Variants in CRADD observed in about 807,000 individuals in gnomAD.
CRADD encodes the protein CARD and death domain containing adaptor protein.
Under a neutral mutation model 15.5 loss-of-function variants are expected in CRADD, and 9 were observed. That is an observed-to-expected ratio of 0.58 (90% CI 0.35 to 1.01). The LOEUF is 1.01. Among genes scored for constraint, CRADD ranks in the 50% least tolerant of loss-of-function variants. The pLI, the probability that CRADD is intolerant of heterozygous loss-of-function variation, is 0.02. For synonymous variants in CRADD, 118 were observed against 107.6 expected, an observed-to-expected ratio of 1.10 and a Z score of -0.60; for missense variants, 227 against 250.3, an observed-to-expected ratio of 0.91 and a Z score of 0.63.
At chr12:93,853,299 A>C (rs980092766), downstream of CRADD, among the ~76,000 whole-genome samples, 1 of 152,222 alleles carries the variant, frequency 6.6e-6, no homozygotes, top group Non-Finnish European at 1.5e-5. Context: ...TTTTATTACA[A>C]GAATGGGATT....
chr12:93,704,616 A>T (rs1411995947), intron 2 of CRADD, among the ~76,000 whole-genome samples: 2 of 152,186 alleles, frequency 1.3e-5, no homozygotes, highest in African/African-American at 4.8e-5. Flanking sequence ...TCCACATGGC[A>T]ATCAGAGCCA....
intron 2 of CRADD, among the ~76,000 whole-genome samples, chr12:93,757,035 G>A (rs550333549): frequency 2.8e-4 from 43 of 152,230 alleles, no homozygotes; most frequent in South Asian, 6.2e-4. Flanking sequence ...TTCATTTAAG[G>A]GATGAATGAA....
At chr12:93,732,818 G>C (rs1467643431) in intron 2 of CRADD, among the ~76,000 whole-genome samples, 1 of 152,180 alleles carries the variant, frequency 6.6e-6, no homozygotes, top group African/African-American at 2.4e-5. Context: ...GAGCATAACT[G>C]CCTGGCAGAT....
At chr12:93,796,600 CA>C (rs397813054) in intron 2 of CRADD, among the ~76,000 whole-genome samples, 7,512 of 113,724 alleles carry the variant, frequency 0.066, 171 homozygotes, top group African/African-American at 0.082. Context: ...AAAACGGTGT[CA>C]AAAAAAAAAA....
At chr12:93,807,289 A>G (rs1957550072) in intron 2 of CRADD, among the ~76,000 whole-genome samples, 1 of 152,120 alleles carries the variant, frequency 6.6e-6, no homozygotes, top group Non-Finnish European at 1.5e-5. Flanking sequence ...ATACCTTTTC[A>G]TAGGAGCACA....
rs116635321 is a variant in CRADD, at chr12:93,799,378, C to G, written c.299-50592C>G. 5.4e-3 allele frequency among the ~76,000 whole-genome samples: 818 copies of G among 152,292 alleles called. 7 individuals carry two copies. The highest frequency in any genetic ancestry group is 0.019 in the African/African-American group (779 of 41,558). On this transcript the variant is annotated intron_variant, in intron 2 of 2. Transcript: ENST00000332896. Reference sequence around the variant, plus strand: ...TTTATATTGTAACCCAGCACACACACACATGTAAATAGAAATGCACCAGGA... The same window carrying G: ...TTTATATTGTAACCCAGCACACACAGACATGTAAATAGAAATGCACCAGGA...
At chr12:93,870,770 A>G (rs1449363454) in intron 2 of CRADD, among the ~76,000 whole-genome samples, 1 of 152,180 alleles carries the variant, frequency 6.6e-6, no homozygotes, top group East Asian at 1.9e-4. Context: ...TCCTAACCCC[A>G]AACTCCTTTT....
intron 2 of CRADD, among the ~76,000 whole-genome samples, chr12:93,800,275 T>C (rs1056644545): frequency 6.6e-6 from 1 of 151,836 alleles, no homozygotes; most frequent in African/African-American, 2.4e-5. Context: ...CCAAGAAGAG[T>C]GCTGTTGCCC....
intron 2 of CRADD, among the ~76,000 whole-genome samples, chr12:93,751,393 C>G (rs1956827410): frequency 6.6e-6 from 1 of 152,128 alleles, no homozygotes; most frequent in Non-Finnish European, 1.5e-5. Flanking sequence ...TGTATTATTC[C>G]TCATTAAACA....
downstream of CRADD, among the ~76,000 whole-genome samples, chr12:93,853,968 G>A (rs1278702105): frequency 2.6e-5 from 4 of 152,190 alleles, no homozygotes; most frequent in East Asian, 7.7e-4. Context: ...GGGAGTGTTT[G>A]TGGTTAAATC....
intron 2 of CRADD, among the ~76,000 whole-genome samples, chr12:93,793,309 A>G (rs1486743960): frequency 6.6e-6 from 1 of 152,194 alleles, no homozygotes; most frequent in African/African-American, 2.4e-5. Context: ...AATAAGCTAT[A>G]TTACTTAAGC....
chr12:93,894,007 G>A (rs146728402), intron 2 of CRADD: 52 of 702,090 alleles, frequency 7.4e-5, no homozygotes, highest in East Asian at 5.1e-4. Context: ...TCAGCTGATC[G>A]CCATACTCCC....
At chr12:93,853,434 A>G (rs1477592828), downstream of CRADD, among the ~76,000 whole-genome samples, 1 of 135,868 alleles carries the variant, frequency 7.4e-6, no homozygotes, top group African/African-American at 3.0e-5. Flanking sequence ...TTCGAGTCCT[A>G]TAATTTTTGT....
intron 2 of CRADD, among the ~76,000 whole-genome samples, chr12:93,868,850 C>T (rs1958393754): frequency 6.6e-6 from 1 of 152,088 alleles, no homozygotes; most frequent in Admixed American, 6.6e-5. Context: ...TACAGGGCTG[C>T]CAGAGCAACT....
At chr12:93,886,217 C>T (rs1038299205) in intron 2 of CRADD, among the ~76,000 whole-genome samples, 6 of 138,546 alleles carry the variant, frequency 4.3e-5, no homozygotes, top group Admixed American at 7.9e-5. Context: ...CAGGCTGGAG[C>T]GCAGTCACAT....
chr12:93,768,063 A>G (rs1321661978), intron 2 of CRADD, among the ~76,000 whole-genome samples: 3 of 152,154 alleles, frequency 2.0e-5, no homozygotes, highest in African/African-American at 2.4e-5. Flanking sequence ...ACTAAGAGCC[A>G]TTTGTTTTTT....
At chr12:93,869,550 G>T (rs1958400745) in intron 2 of CRADD, among the ~76,000 whole-genome samples, 1 of 152,096 alleles carries the variant, frequency 6.6e-6, no homozygotes, top group Non-Finnish European at 1.5e-5. Flanking sequence ...GAGACATGAG[G>T]ATTTCAGGAA....
In CRADD at chr12:93,681,753, T is replaced by C. The variant is rs186188405; in HGVS notation, c.298+2681T>C. ...CCCCCACGCAGTGAAAAGCCCTGAA[T>C]TGGGGGTTTATCATTCATTCACTTC... On this transcript the variant is annotated intron_variant, in intron 2 of 2. Coordinates refer to ENST00000332896, the MANE Select transcript of CRADD (RefSeq NM_003805.5). Among the ~76,000 whole-genome samples the C allele has an allele frequency of 3.9e-3, 597 of 152,274 alleles. 3 individuals are homozygous for C. Among genetic ancestry groups the C allele is most frequent in the African/African-American group, 0.014 (571 of 41,564 alleles).
chr12:93,842,818 G>A, intron 2 of CRADD, among the ~76,000 whole-genome samples: 1 of 141,794 alleles, frequency 7.1e-6, no homozygotes. Flanking sequence ...CAGGGCGGGG[G>A]TGGGGGAGAG....
Sources: gnomAD v4.1 joint callset for allele counts (sites outside exome capture counted in the v4.1 genomes callset) on GRCh38, gnomAD v4.1.1 for gene constraint, MANE v1.5 for transcripts, NCBI Gene and HGNC (gene_info 2026-07-23, HGNC 2026-07-21) for gene names.